The following AUH variants were observed in gnomAD, a reference collection of about 807,000 sequenced individuals.
AUH encodes the protein methylglutaconyl-CoA hydratase, mitochondrial.
Under a neutral mutation model 42.3 loss-of-function variants are expected in AUH, and 29 were observed. The observed-to-expected ratio is 0.69, with a 90% CI of 0.51 to 0.93. The LOEUF (loss-of-function observed/expected upper bound fraction) is 0.93, where lower values mean the gene tolerates loss of function less well. AUH is among the 40% of genes least tolerant of loss of function. AUH has a pLI of 0.00. For missense variants in AUH, 452 were observed against 438.1 expected, an observed-to-expected ratio of 1.03 and a Z score of -0.28; for synonymous variants, 174 against 166.4, an observed-to-expected ratio of 1.05 and a Z score of -0.35.
In AUH at chr9:91,280,201, T is replaced by C. The variant is rs897034019; in HGVS notation, c.655+15820A>G. On this transcript the variant is annotated intron_variant, in intron 6 of 9. Coordinates refer to ENST00000375731, the MANE Select transcript of AUH (RefSeq NM_001698.3). ...AATTTATAGGCAGAACTAATTTAACTTCCTTGATTAACTTTCTACATATTC... is the reference window on the plus strand; with the variant it reads ...AATTTATAGGCAGAACTAATTTAACCTCCTTGATTAACTTTCTACATATTC... Among the ~76,000 whole-genome samples the C allele has an allele frequency of 2.6e-5, 4 of 152,202 alleles. 1 individual carries two copies. The highest frequency in any genetic ancestry group is 5.9e-5 in the Non-Finnish European group (4 of 68,026).
At chr9:91,300,234 C>T (rs1207549681) in intron 4 of AUH, among the ~76,000 whole-genome samples, 1 of 152,136 alleles carries the variant, frequency 6.6e-6, no homozygotes, top group Non-Finnish European at 1.5e-5. Flanking sequence ...CAGGAGATCT[C>T]ATTCTCATCC....
intron 9 of AUH, among the ~76,000 whole-genome samples, chr9:91,215,260 T>C (rs1826755403): frequency 6.6e-6 from 1 of 152,310 alleles, no homozygotes; most frequent in Non-Finnish European, 1.5e-5. Context: ...TAATAATTTG[T>C]ATGCAGTCAT....
At position 91,252,498 on chromosome 9, in the gene AUH, C is replaced by T. The variant is rs567291519; in HGVS notation, c.656-31506G>A. ...CCATCACCCTCATTTTGCAGAACCC[C>T]CAAGAGGCTGTCATTGGCAGTGTGA... On this transcript the variant is annotated intron_variant, in intron 6 of 9. Coordinates refer to ENST00000375731, the MANE Select transcript of AUH (RefSeq NM_001698.3). Among the ~76,000 whole-genome samples, 28 of 152,192 alleles carry T rather than the reference C, an allele frequency of 1.8e-4. 1 individual carries two copies. The highest frequency in any genetic ancestry group is 6.5e-4 in the African/African-American group (27 of 41,528).
intron 4 of AUH, among the ~76,000 whole-genome samples, chr9:91,308,495 T>C (rs1409548147): frequency 6.6e-6 from 1 of 152,174 alleles, no homozygotes; most frequent in Non-Finnish European, 1.5e-5. Flanking sequence ...AAACTAAAAC[T>C]AAGATCTGTA....
At position 91,217,341 on chromosome 9, in the gene AUH, TA is replaced by T; in HGVS notation, c.844-15del. ...TGCAACAGGTCCCTAAAATTCAAATTAAAGAAACAGACTTCAATTATTTTTT... is the reference window on the plus strand; with the variant it reads ...TGCAACAGGTCCCTAAAATTCAAATTAAGAAACAGACTTCAATTATTTTTT... On this transcript the variant is annotated splice_polypyrimidine_tract_variant and intron_variant, in intron 7 of 9. Transcript: ENST00000375731. 1 of 1,610,842 alleles carries T rather than the reference TA, an allele frequency of 6.2e-7. No homozygotes were observed. The highest frequency in any genetic ancestry group is 8.5e-7 in the Non-Finnish European group (1 of 1,177,256).
At chr9:91,229,962 C>T (rs1385961440) in intron 6 of AUH, among the ~76,000 whole-genome samples, 6 of 151,968 alleles carry the variant, frequency 3.9e-5, no homozygotes, top group South Asian at 2.1e-4. Flanking sequence ...GAGGGTAACC[C>T]GACCTTTCTC....
chr9:91,291,660 T>C (rs1034233712), intron 6 of AUH, among the ~76,000 whole-genome samples: 1 of 152,220 alleles, frequency 6.6e-6, no homozygotes, highest in East Asian at 1.9e-4. Context: ...CACATTCATC[T>C]GGGCAGTCTT....
intron 6 of AUH, among the ~76,000 whole-genome samples, chr9:91,278,117 A>T (rs1421270619): frequency 6.6e-6 from 1 of 152,194 alleles, no homozygotes; most frequent in Non-Finnish European, 1.5e-5. Context: ...AAAAGAAAAC[A>T]ACGGAGGGCT....
intron 4 of AUH, among the ~76,000 whole-genome samples, chr9:91,322,650 A>G (rs1041141087): frequency 1.7e-4 from 26 of 152,238 alleles, no homozygotes; most frequent in African/African-American, 6.3e-4. Flanking sequence ...TTCTGTATAT[A>G]GCATAGAAAA....
At chr9:91,227,038 CT>C (rs1222246158) in intron 6 of AUH, among the ~76,000 whole-genome samples, 2 of 151,820 alleles carry the variant, frequency 1.3e-5, no homozygotes, top group Non-Finnish European at 2.9e-5. Context: ...AATGCGGGCT[CT>C]TTTTTGGTTC....
chr9:91,344,010 TG>T (rs956053015), intron 3 of AUH, among the ~76,000 whole-genome samples: 2 of 152,112 alleles, frequency 1.3e-5, no homozygotes, highest in African/African-American at 2.4e-5. Context: ...CAGGCCATGA[TG>T]GAAAGTGGGA....
At chr9:91,291,249 A>T (rs762784208) in intron 6 of AUH, among the ~76,000 whole-genome samples, 3 of 150,422 alleles carry the variant, frequency 2.0e-5, no homozygotes, top group Non-Finnish European at 2.9e-5. Context: ...TCATCTTGAG[A>T]TCCTTAATTA....
chr9:91,230,203 G>A (rs10991834), intron 6 of AUH, among the ~76,000 whole-genome samples: 7,705 of 152,016 alleles, frequency 0.051, 415 homozygotes, highest in East Asian at 0.32. Context: ...CCAATCAGAC[G>A]TAGATTTGGT....
intron 6 of AUH, among the ~76,000 whole-genome samples, chr9:91,246,948 G>A (rs892097638): frequency 2.4e-4 from 36 of 152,346 alleles, no homozygotes; most frequent in African/African-American, 8.7e-4. Context: ...AGCCATGCCA[G>A]CAATGCCTTC....
At chr9:91,282,895 G>T (rs146378540) in intron 6 of AUH, among the ~76,000 whole-genome samples, 3 of 151,948 alleles carry the variant, frequency 2.0e-5, no homozygotes, top group African/African-American at 4.8e-5. Context: ...AAGGAGGAGC[G>T]GGTACCATTC....
At chr9:91,245,453 A>AGGAAAG (rs1056084361) in intron 6 of AUH, among the ~76,000 whole-genome samples, 2 of 152,214 alleles carry the variant, frequency 1.3e-5, no homozygotes, top group African/African-American at 4.8e-5. Context: ...ATCTGATAAG[A>AGGAAAG]GGAAAGCTGG....
intron 3 of AUH, among the ~76,000 whole-genome samples, chr9:91,335,223 A>T (rs1283793058): frequency 1.3e-5 from 2 of 152,224 alleles, no homozygotes; most frequent in Non-Finnish European, 1.5e-5. Flanking sequence ...GTGTGGAAAG[A>T]TCTTTAACTG....
chr9:91,346,277 T>C (rs1404161165), intron 3 of AUH, among the ~76,000 whole-genome samples: 1 of 152,100 alleles, frequency 6.6e-6, no homozygotes, highest in African/African-American at 2.4e-5. Flanking sequence ...GAGCTGGAGA[T>C]TGAGCTCAGT....
intron 4 of AUH, among the ~76,000 whole-genome samples, chr9:91,313,711 C>CAAAAAAAA (rs775229436): frequency 1.0e-4 from 7 of 68,858 alleles, no homozygotes; most frequent in African/African-American, 2.3e-4. Context: ...GACTCCGTCT[C>CAAAAAAAA]AAAAAAAAAA....
Sources: allele counts gnomAD v4.1 joint callset (sites outside exome capture counted in the v4.1 genomes callset), GRCh38; gene constraint gnomAD v4.1.1; transcripts MANE v1.5; gene names NCBI Gene and HGNC (gene_info 2026-07-23, HGNC 2026-07-21).